The following OSGIN1 variants were observed in gnomAD, a reference collection of about 807,000 sequenced individuals.
OSGIN1 encodes oxidative stress-induced growth inhibitor 1.
OSGIN1 carries 19 observed loss-of-function variants against 20.1 expected under a neutral mutation model. That is an observed-to-expected ratio of 0.95 (90% confidence interval 0.66 to 1.39). OSGIN1 has a LOEUF of 1.39. Among genes scored for constraint, OSGIN1 ranks in the 40% most tolerant of loss-of-function variants. The pLI is 0.00. For missense variants in OSGIN1, 820 were observed against 653.0 expected (o/e 1.26, Z -2.79); for synonymous variants, 368 against 297.8 (o/e 1.24, Z -2.43).
At chr16:83,962,354 C>T (rs556660448) in intron 5 of OSGIN1, among the ~76,000 whole-genome samples, 14 of 152,248 alleles carry the variant, frequency 9.2e-5, no homozygotes, top group East Asian at 5.8e-4. Flanking sequence ...TTCTCCTGCC[C>T]CAGCCTCCCG....
In OSGIN1 at chr16:83,960,911, C is replaced by G. The variant is rs1597180673; in HGVS notation, c.397-70C>G. ...CTCTACCCAGCCCCAGCAAAGGCCT[C>G]CCATGCCCTCTAGCCCCAAATGGGT... is the stretch of plus-strand genomic sequence containing the variant. On this transcript the variant is annotated intron_variant, in intron 4 of 5. Coordinates refer to ENST00000393306, the MANE Select transcript of OSGIN1 (RefSeq NM_182981.3). 6.5e-6 allele frequency: 10 copies of G among 1,544,374 alleles called. No homozygotes were observed. The South Asian group carries it at 1.0e-4, about 16-fold the overall frequency.
chr16:83,961,616 T>C (rs1370456756), intron 5 of OSGIN1, among the ~76,000 whole-genome samples: 1 of 152,124 alleles, frequency 6.6e-6, no homozygotes, highest in African/African-American at 2.4e-5. Flanking sequence ...GTGCATCTGG[T>C]CTGTCTTCCT....
chr16:83,961,219 A>G (rs1013980899), intron 5 of OSGIN1, 147 bp downstream of exon 5: 9 of 647,904 alleles, frequency 1.4e-5, no homozygotes, highest in East Asian at 2.7e-5. Flanking sequence ...TCCTAATGAC[A>G]TGTGCCCAAG....
At chr16:83,963,422 C>G (rs2084238463) in intron 5 of OSGIN1, among the ~76,000 whole-genome samples, 1 of 149,072 alleles carries the variant, frequency 6.7e-6, no homozygotes, top group Admixed American at 6.6e-5. Context: ...TGTGCCAGGC[C>G]TTGGGCTTAG....
rs780131169 is a variant in OSGIN1 at position 83,960,954 on chromosome 16, T to C, written c.397-27T>C. On this transcript the variant is annotated intron_variant, in intron 4 of 5. Coordinates refer to ENST00000393306, the MANE Select transcript of OSGIN1 (RefSeq NM_182981.3). ...AAATGGGTTCAGGCGAGCAGAGGCC[T>C]GGACCAAAGGGTTCCTTTCCCTGCA... 20 of 1,608,240 alleles carry C rather than the reference T, an allele frequency of 1.2e-5. 1 individual carries two copies. In the South Asian group the frequency reaches 2.2e-4, roughly 18 times the overall value.
At chr16:83,958,596 C>T (rs1311828873) in intron 2 of OSGIN1, among the ~76,000 whole-genome samples, 1 of 152,182 alleles carries the variant, frequency 6.6e-6, no homozygotes, top group Non-Finnish European at 1.5e-5. Flanking sequence ...GAGTAATATT[C>T]CGAATCAGAC....
At chr16:83,958,330 G>A (rs546224966) in intron 2 of OSGIN1, among the ~76,000 whole-genome samples, 1 of 152,262 alleles carries the variant, frequency 6.6e-6, no homozygotes, top group South Asian at 2.1e-4. Flanking sequence ...GAGGCGACCC[G>A]GCGTGGCGCA....
At chr16:83,960,896 C>T (rs1365963599) in intron 4 of OSGIN1, 85 bp from the exon 5 acceptor site, 1 of 1,512,128 alleles carries the variant, frequency 6.6e-7, no homozygotes, top group African/African-American at 1.4e-5. Context: ...CTCTACCCAG[C>T]CCCAGCAAAG....
rs567947424 is a variant in OSGIN1 at position 83,965,066 on chromosome 16, C to G, written c.493C>G (p.Leu165Val). ...KDWMQKKRRG[L>V]RNSRATAGDI... ...GTCCTGCATCCTCCCCAACAGAGGT[C>G]TTCGCAACAGCCGGGCCACTGCCGG... Residue 165 changes from leucine to valine, a missense_variant, in exon 6 of 6, where the codon CTT becomes GTT. Transcript: ENST00000393306. 6.9e-7 allele frequency: 1 copy of G among 1,459,348 alleles called. No homozygotes were observed. The highest frequency in any genetic ancestry group is 9.2e-7 in the Non-Finnish European group (1 of 1,083,676). The allele number at this position is 1,459,348 out of a possible 1,614,324, so 90.4% of individuals were successfully genotyped here. A position where few individuals can be genotyped will look rare whatever the true frequency, so the allele number is the denominator to read the frequency against.
chr16:83,956,058 G>A lies in OSGIN1; in HGVS notation c.-32-1582G>A, dbSNP rs535633797. On this transcript the variant is annotated intron_variant, in intron 1 of 5. Transcript: ENST00000393306. The stretch of plus-strand genomic sequence containing the variant: ...CTCACCTGCAAGACAGAGGTGACAG[G>A]GCTCACCTCTCAAGGCTGCTGAGCG... Among the ~76,000 whole-genome samples, 3 of 152,298 alleles carry A rather than the reference G, an allele frequency of 2.0e-5. No homozygotes were observed. The South Asian group carries it at 6.2e-4, about 32-fold the overall frequency.
At chr16:83,959,220 G>A (rs1291559681) in intron 2 of OSGIN1, 40 bp from the exon 3 acceptor site, 1 of 1,582,644 alleles carries the variant, frequency 6.3e-7, no homozygotes, top group Non-Finnish European at 8.7e-7. Context: ...TCCCCCACCT[G>A]AAAAGGCCAC....
rs747078689 is a variant in OSGIN1 at position 83,960,678 on chromosome 16, C to T, written c.314C>T (p.Ser105Leu). 20 of 1,613,478 alleles carry T rather than the reference C, an allele frequency of 1.2e-5. No individual in the cohort carries two copies. The highest frequency in any genetic ancestry group is 3.3e-5 in the South Asian group (3 of 91,090). ...PDTDFGGNMK[S>L]VLTWKHRKEH... is the part of the protein sequence containing the mutation. ...ACAGACTTTGGGGGAAACATGAAGT[C>T]GGTCCTCACCTGGAAGCACCGGAAG... Residue 105 changes from serine to leucine, a missense_variant, in exon 4 of 6, where the codon TCG becomes TTG. Physicochemically the swap from Ser to Leu is moderately radical, Grantham distance 145. Transcript: ENST00000393306.
chr16:83,957,651 G>T lies in OSGIN1; in HGVS notation c.-21G>T, dbSNP rs1275534152. 6.3e-7 allele frequency: 1 copy of T among 1,587,138 alleles called. No homozygotes were observed. Among genetic ancestry groups the T allele is most frequent in the Non-Finnish European group, 8.6e-7 (1 of 1,163,814 alleles). On this transcript the variant is annotated 5_prime_UTR_variant, in exon 2 of 6. Coordinates refer to ENST00000393306, the MANE Select transcript of OSGIN1 (RefSeq NM_182981.3). ...CTCCCCCACTCCAGGTCCGCTGCCAGCCCCAAGCCCCCCACCAGCCATGAG... is the reference window on the plus strand; with the variant it reads ...CTCCCCCACTCCAGGTCCGCTGCCATCCCCAAGCCCCCCACCAGCCATGAG...
intron 1 of OSGIN1, chr16:83,954,360 C>T (rs1033436903): frequency 3.9e-5 from 6 of 152,216 alleles, no homozygotes; most frequent in Admixed American, 3.3e-4. Context: ...GTTTTCATTT[C>T]TTTTATCCTG....
At position 83,957,628 on chromosome 16, in the gene OSGIN1, C is replaced by T. The variant is rs751398273; in HGVS notation, c.-32-12C>T. The T allele has an allele frequency of 2.7e-5, 38 of 1,385,480 alleles. No homozygotes were observed. Among genetic ancestry groups the T allele is most frequent in the East Asian group, 4.9e-5 (2 of 41,170 alleles). The allele number at this position is 1,385,480 out of a possible 1,614,324, so 85.8% of individuals were successfully genotyped here. A position where few individuals can be genotyped will look rare whatever the true frequency, so the allele number is the denominator to read the frequency against. ...CCGAATGGACTCTTCCTTCCCCTCT[C>T]CCCCACTCCAGGTCCGCTGCCAGCC... On this transcript the variant is annotated splice_polypyrimidine_tract_variant and intron_variant, in intron 1 of 5. Coordinates refer to ENST00000393306, the MANE Select transcript of OSGIN1 (RefSeq NM_182981.3).
chr16:83,964,337 A>G (rs2151079345), intron 5 of OSGIN1, among the ~76,000 whole-genome samples: 1 of 152,228 alleles, frequency 6.6e-6, no homozygotes, highest in South Asian at 2.1e-4. Context: ...AAAATAAAAT[A>G]AAATAATAAA....
intron 3 of OSGIN1, among the ~76,000 whole-genome samples, chr16:83,960,305 T>C (rs1308065388): frequency 6.6e-6 from 1 of 152,180 alleles, no homozygotes; most frequent in East Asian, 1.9e-4. Flanking sequence ...ACCACACTGA[T>C]ATTAGGGTAG....
In OSGIN1 at chr16:83,961,042, A is replaced by G; in HGVS notation, c.458A>G (p.Glu153Gly). 6.2e-7 allele frequency: 1 copy of G among 1,613,554 alleles called. No homozygotes were observed. Among genetic ancestry groups the G allele is most frequent in the Non-Finnish European group, 8.5e-7 (1 of 1,179,980 alleles). Residue 153 changes from glutamate (E) to glycine (G), a missense_variant, in exon 5 of 6, where the codon GAG (glutamate) becomes GGG (glycine). Transcript: ENST00000393306. ...CAGTGGATGGGGCTCCCGGACCTGG[A>G]GGTCAAGGACTGGATGCAGAAGAAG... The part of the protein sequence containing the change: ...QGQWMGLPDL[E>G]VKDWMQKKRR...
intron 5 of OSGIN1, 195 bp downstream of exon 5, chr16:83,961,267 G>A: frequency 3.5e-6 from 2 of 571,074 alleles, no homozygotes; most frequent in East Asian, 5.8e-5. Context: ...ATTTTAGGGA[G>A]ACATGAGACA....
Sources: allele counts gnomAD v4.1 joint callset (sites outside exome capture counted in the v4.1 genomes callset), GRCh38; gene constraint gnomAD v4.1.1; transcripts MANE v1.5; gene names NCBI Gene and HGNC (gene_info 2026-07-23, HGNC 2026-07-21).